The following EEFSEC variants were observed in gnomAD, a reference collection of about 807,000 sequenced individuals.
EEFSEC encodes eukaryotic elongation factor, selenocysteine-tRNA specific, also known as selenocysteine-specific elongation factor.
Under a neutral mutation model 42.1 loss-of-function variants are expected in EEFSEC, and 43 were observed. The observed-to-expected ratio is 1.02, with a 90% CI of 0.80 to 1.32. The LOEUF is 1.32. EEFSEC is among the 40% of genes most tolerant of loss of function. The pLI is 0.00. For synonymous variants in EEFSEC, 354 were observed against 339.1 expected, an observed-to-expected ratio of 1.04 and a Z score of -0.48; for missense variants, 745 against 803.6, an observed-to-expected ratio of 0.93 and a Z score of 0.88.
chr3:128,200,507 C>T (rs1007398545), intron 1 of EEFSEC, among the ~76,000 whole-genome samples: 1 of 151,594 alleles, frequency 6.6e-6, no homozygotes, highest in Admixed American at 6.6e-5. Flanking sequence ...AGGCTGGTCT[C>T]GAGCTCCCCA....
intron 1 of EEFSEC, among the ~76,000 whole-genome samples, chr3:128,230,891 T>A (rs2065953365): frequency 6.6e-6 from 1 of 152,128 alleles, no homozygotes; most frequent in Admixed American, 6.5e-5. Flanking sequence ...GAAGTTTCCT[T>A]CACAGTTTCC....
At chr3:128,421,601 T>G in the EEFSEC span, among the ~76,000 whole-genome samples, 10 of 152,308 alleles carry the variant, frequency 6.6e-5, no homozygotes, top group African/African-American at 2.4e-4. Flanking sequence ...CAGCCTCTTG[T>G]GCCGACTTTT....
chr3:128,198,763 G>A (rs2065613455), intron 1 of EEFSEC, among the ~76,000 whole-genome samples: 1 of 152,098 alleles, frequency 6.6e-6, no homozygotes, highest in South Asian at 2.1e-4. Flanking sequence ...GGATGTGGAG[G>A]TGCAGGTCTG....
intron 4 of EEFSEC, among the ~76,000 whole-genome samples, chr3:128,289,104 G>A (rs985123896): frequency 2.6e-5 from 4 of 152,228 alleles, no homozygotes; most frequent in African/African-American, 9.6e-5. Context: ...ATTCATGTCT[G>A]CACATTTTCC....
chr3:128,285,722 C>T (rs1243479869), intron 4 of EEFSEC, among the ~76,000 whole-genome samples: 1 of 152,160 alleles, frequency 6.6e-6, no homozygotes, highest in African/African-American at 2.4e-5. Context: ...CCCACGCTCC[C>T]TTAGCCCATT....
chr3:128,387,166 A>G (rs374918728), intron 6 of EEFSEC, among the ~76,000 whole-genome samples: 2 of 152,158 alleles, frequency 1.3e-5, no homozygotes, highest in East Asian at 3.9e-4. Context: ...ACCTGGCCGC[A>G]GGGGCTGCAG....
At chr3:128,171,350 A>T (rs905802310) in intron 1 of EEFSEC, among the ~76,000 whole-genome samples, 4 of 151,736 alleles carry the variant, frequency 2.6e-5, no homozygotes, top group Admixed American at 1.3e-4. Context: ...TTTATTTTTA[A>T]TTTTTTTTTA....
intron 1 of EEFSEC, among the ~76,000 whole-genome samples, chr3:128,224,959 C>T (rs986344587): frequency 8.5e-5 from 13 of 152,242 alleles, no homozygotes; most frequent in Admixed American, 7.2e-4. Flanking sequence ...GAATCCACAC[C>T]CCTCTTAGTG....
intron 5 of EEFSEC, among the ~76,000 whole-genome samples, chr3:128,354,793 G>T (rs1327263046): frequency 6.6e-6 from 1 of 152,222 alleles, no homozygotes; most frequent in East Asian, 1.9e-4. Context: ...CAGGGGAGAA[G>T]ATGCAGTAAA....
intron 6 of EEFSEC, among the ~76,000 whole-genome samples, chr3:128,385,619 C>G (rs60211065): frequency 0.019 from 2,838 of 152,338 alleles, 95 homozygotes; most frequent in African/African-American, 0.063. Context: ...TTACTACATG[C>G]CCAGCACGTG....
intron 1 of EEFSEC, among the ~76,000 whole-genome samples, chr3:128,162,525 T>C (rs1559848938): frequency 2.0e-5 from 3 of 152,236 alleles, no homozygotes; most frequent in African/African-American, 7.2e-5. Flanking sequence ...CTGCGGCACC[T>C]TCTCTTGGCG....
Position 128,199,310 on chromosome 3 carries a change from G to A in EEFSEC, c.316+45487G>A, listed in dbSNP as rs933320943. ...TTTACGGTGATGTTAACAGAGGGTT[G>A]GTGCCTATTCATCTGACTTTGTCCA... On this transcript the variant is annotated intron_variant, in intron 1 of 6. Coordinates refer to ENST00000254730, the MANE Select transcript of EEFSEC (RefSeq NM_021937.5). Among the ~76,000 whole-genome samples the A allele has an allele frequency of 7.2e-5, 11 of 152,156 alleles. No individual in the cohort carries two copies. The East Asian group carries it at 2.1e-3, about 29-fold the overall frequency.
chr3:128,345,353 T>C (rs1431769921), intron 5 of EEFSEC, among the ~76,000 whole-genome samples: 1 of 152,206 alleles, frequency 6.6e-6, no homozygotes, highest in Non-Finnish European at 1.5e-5. Context: ...CCAATCCCCC[T>C]GGTCCCTATC....
intron 4 of EEFSEC, among the ~76,000 whole-genome samples, chr3:128,267,237 G>A (rs1162908492): frequency 6.6e-6 from 1 of 152,196 alleles, no homozygotes; most frequent in Non-Finnish European, 1.5e-5. Context: ...GGATGTTCGA[G>A]TGGGGTCCTG....
chr3:128,419,114 A>C, the EEFSEC span, among the ~76,000 whole-genome samples: 2 of 152,228 alleles, frequency 1.3e-5, no homozygotes, highest in Non-Finnish European at 2.9e-5. Context: ...TTAGGAGTGG[A>C]CTTCACACAA....
chr3:128,312,000 C>G (rs756965629), intron 4 of EEFSEC, among the ~76,000 whole-genome samples: 1 of 152,098 alleles, frequency 6.6e-6, no homozygotes, highest in African/African-American at 2.4e-5. Context: ...CACCTAGTAC[C>G]GTGCCTGGCC....
chr3:128,321,448 G>A, intron 4 of EEFSEC, among the ~76,000 whole-genome samples: 1 of 152,100 alleles, frequency 6.6e-6, no homozygotes, highest in East Asian at 1.9e-4. Context: ...TTTATGACCT[G>A]TCCCTCTCCC....
At chr3:128,163,147 A>G (rs534521564) in intron 1 of EEFSEC, among the ~76,000 whole-genome samples, 4 of 152,246 alleles carry the variant, frequency 2.6e-5, no homozygotes, top group South Asian at 2.1e-4. Context: ...TTACCAGTAA[A>G]GGCTTTGATG....
chr3:128,409,685 G>A (rs192590094), downstream of EEFSEC, among the ~76,000 whole-genome samples: 649 of 152,316 alleles, frequency 4.3e-3, 6 homozygotes, highest in Admixed American at 0.015. Context: ...GTGCCAGGGC[G>A]GCTTGTCTGC....
Sources: allele counts gnomAD v4.1 joint callset (sites outside exome capture counted in the v4.1 genomes callset), GRCh38; gene constraint gnomAD v4.1.1; transcripts MANE v1.5; gene names NCBI Gene and HGNC (gene_info 2026-07-23, HGNC 2026-07-21).